Variants in POMK observed in about 807,000 individuals in gnomAD.
POMK encodes the protein Sugen kinase 196.
In POMK, 19 loss-of-function variants were observed where a neutral mutation model predicts 23.0. The ratio of observed to expected loss-of-function variants is 0.83; its 90% CI spans 0.58 to 1.21. The LOEUF (loss-of-function observed/expected upper bound fraction) is 1.21. POMK is among the 50% of genes most tolerant of loss of function. The probability of loss-of-function intolerance (pLI) is 0.00; values close to 1 mark genes in which losing one functional copy is unlikely to be tolerated. For synonymous variants in POMK, 173 were observed against 171.6 expected (o/e 1.01, Z -0.06); for missense variants, 410 against 431.3 (o/e 0.95, Z 0.44).
intron 4 of POMK, among the ~76,000 whole-genome samples, chr8:43,110,966 A>G (rs1811644202): frequency 6.6e-6 from 1 of 152,120 alleles, no homozygotes; most frequent in Admixed American, 6.5e-5. Context: ...CCGAATAGGA[A>G]CAGCTCCAGT....
At chr8:43,121,050 T>C (rs1337565975) in intron 4 of POMK, among the ~76,000 whole-genome samples, 1 of 152,264 alleles carries the variant, frequency 6.6e-6, no homozygotes, top group Non-Finnish European at 1.5e-5. Flanking sequence ...TCCCATCTTT[T>C]GATAAGTTTC....
In POMK at chr8:43,103,686, A is replaced by G. The variant is rs1257427005; in HGVS notation, c.138A>G (p.Arg46=). The G allele has an allele frequency of 1.9e-6, 3 of 1,613,972 alleles. No individual in the cohort carries two copies. Among genetic ancestry groups the G allele is most frequent in the Non-Finnish European group, 2.5e-6 (3 of 1,180,038 alleles). The change falls in exon 4 of 5, where the codon CGA becomes CGG. Residue 46 remains arginine, a synonymous_variant. Transcript: ENST00000331373. ...LCLDHFFIAP[R]QSTVDPTHCP... The stretch of plus-strand genomic sequence containing the variant: ...TCGACCACTTCTTCATCGCTCCTCG[A>G]CAATCCACTGTGGACCCCACACACT...
chr8:43,102,790 AGCCAGGCCCCTCCACCATG>A (rs1256102685), intron 3 of POMK, among the ~76,000 whole-genome samples, 190 bp downstream of exon 3: 1 of 152,216 alleles, frequency 6.6e-6, no homozygotes, highest in Non-Finnish European at 1.5e-5. Flanking sequence ...GCTTCTCCGC[AGCCAGGCCCCTCCACCATG>A]GCCTTGCACG....
chr8:43,100,354 T>C (rs570252342), intron 2 of POMK, among the ~76,000 whole-genome samples: 482 of 151,786 alleles, frequency 3.2e-3, no homozygotes, highest in Non-Finnish European at 4.9e-3. Context: ...GGGTAGGGTG[T>C]TGAGGAAGTT....
intron 2 of POMK, among the ~76,000 whole-genome samples, chr8:43,101,039 T>C (rs1053101001): frequency 1.3e-5 from 2 of 151,936 alleles, no homozygotes; most frequent in African/African-American, 4.8e-5. Flanking sequence ...AGTATGAGCT[T>C]GTGTGCTTGC....
chr8:43,105,482 T>C (rs534919486), intron 4 of POMK, among the ~76,000 whole-genome samples: 1 of 152,358 alleles, frequency 6.6e-6, no homozygotes, highest in East Asian at 1.9e-4. Context: ...TGTCCTCCAG[T>C]TCCTTTCATG....
chr8:43,112,671 C>T (rs530583841), intron 4 of POMK, among the ~76,000 whole-genome samples: 5 of 152,160 alleles, frequency 3.3e-5, no homozygotes, highest in South Asian at 4.2e-4. Flanking sequence ...AGAGAAAGGT[C>T]GGGTTACCCA....
chr8:43,105,930 G>A (rs1811534904), intron 4 of POMK, among the ~76,000 whole-genome samples: 1 of 152,178 alleles, frequency 6.6e-6, no homozygotes, highest in East Asian at 1.9e-4. Flanking sequence ...CAAAGTGCTG[G>A]GATTACAGGC....
Position 43,103,729 on chromosome 8 carries a change from A to G in POMK, c.181A>G (p.Arg61Gly), listed in dbSNP as rs201953159. Residue 61 changes from arginine (R) to glycine (G), a missense_variant, in exon 4 of 5, where the codon AGG (arginine) becomes GGG (glycine). Arg to Gly is a moderately radical substitution (Grantham distance 125, BLOSUM62 -2). Coordinates refer to ENST00000331373, the MANE Select transcript of POMK (RefSeq NM_032237.5). Reference sequence around the variant, plus strand: ...CACACACTGTCCCTATGGTCACTTCAGGATAGGACAGATGAAAAACTGCTC... The same window carrying G: ...CACACACTGTCCCTATGGTCACTTCGGGATAGGACAGATGAAAAACTGCTC... ...DPTHCPYGHFRIGQMKNCSPW... is the reference protein window; with the variant it reads ...DPTHCPYGHFGIGQMKNCSPW... 4.3e-6 allele frequency: 7 copies of G among 1,614,158 alleles called. No individual in the cohort carries two copies. The highest frequency in any genetic ancestry group is 1.6e-4 in the Middle Eastern group (1 of 6,062).
chr8:43,115,626 T>G (rs1811782343), intron 4 of POMK, among the ~76,000 whole-genome samples: 1 of 152,162 alleles, frequency 6.6e-6, no homozygotes, highest in Non-Finnish European at 1.5e-5. Context: ...ACCCTGGACT[T>G]AAATTGTTTC....
chr8:43,121,677 T>A (rs1811919052), intron 4 of POMK, among the ~76,000 whole-genome samples: 1 of 152,144 alleles, frequency 6.6e-6, no homozygotes, highest in Non-Finnish European at 1.5e-5. Flanking sequence ...CCCCACCCAC[T>A]GTGTGGTGGT....
intron 2 of POMK, among the ~76,000 whole-genome samples, chr8:43,100,500 G>A (rs1811416797): frequency 6.6e-6 from 1 of 151,764 alleles, no homozygotes; most frequent in African/African-American, 2.4e-5. Flanking sequence ...GGTGTGTATG[G>A]TGTTAGTGCT....
chr8:43,117,577 C>T (rs940098357), intron 4 of POMK, among the ~76,000 whole-genome samples: 11 of 151,976 alleles, frequency 7.2e-5, no homozygotes, highest in Non-Finnish European at 1.5e-4. Flanking sequence ...AAAGAGCTCC[C>T]AGTAATTAAT....
At chr8:43,094,192 A>G (rs977620243) in intron 1 of POMK, among the ~76,000 whole-genome samples, 1 of 152,134 alleles carries the variant, frequency 6.6e-6, no homozygotes, top group East Asian at 1.9e-4. Flanking sequence ...GTCCGCCACC[A>G]CGCCCGGCTA....
In POMK at chr8:43,122,412, T is replaced by C. The variant is rs766337800; in HGVS notation, c.588T>C (p.Pro196=). The C allele has an allele frequency of 3.7e-6, 6 of 1,614,100 alleles. No individual in the cohort carries two copies. In the African/African-American group the frequency reaches 5.3e-5, roughly 14 times the overall value. ...TCATTAATTACCTGCACCACAGCCC[T>C]GTGGGCACACGGGTCATGTGCGACT... ...VSIINYLHHS[P]VGTRVMCDSN... Residue 196 remains proline (P), a synonymous_variant, in exon 5 of 5, where the codon CCT becomes CCC. Coordinates refer to ENST00000331373, the MANE Select transcript of POMK (RefSeq NM_032237.5).
chr8:43,098,183 T>C (rs945411865), intron 2 of POMK, among the ~76,000 whole-genome samples: 1 of 152,208 alleles, frequency 6.6e-6, no homozygotes, highest in Non-Finnish European at 1.5e-5. Flanking sequence ...TTCAGTGATA[T>C]TTAGCATATT....
chr8:43,103,633 C>G lies in POMK; in HGVS notation c.85C>G (p.Leu29Val). 6.2e-7 allele frequency: 1 copy of G among 1,614,042 alleles called. No individual in the cohort carries two copies. Among genetic ancestry groups the G allele is most frequent in the East Asian group, 2.2e-5 (1 of 44,850 alleles). The change falls in exon 4 of 5, where the codon CTG becomes GTG. Residue 29 changes from leucine to valine, a missense_variant. Physicochemically the swap from Leu to Val is conservative, Grantham distance 32. Coordinates refer to ENST00000331373, the MANE Select transcript of POMK (RefSeq NM_032237.5). ...TGTTGGGCTGCTGCTGATCATGGCC[C>G]TGATGAATACTCTGCTCTACCTCTG... ...PAVGLLLIMA[L>V]MNTLLYLCLD...
At chr8:43,105,837 A>G (rs530208933) in intron 4 of POMK, among the ~76,000 whole-genome samples, 1 of 152,032 alleles carries the variant, frequency 6.6e-6, no homozygotes, top group African/African-American at 2.4e-5. Context: ...CTAATTTTAT[A>G]TTTTTAGTAG....
Position 43,122,147 on chromosome 8 carries a change from C to G in POMK, c.323C>G (p.Ser108Ter), listed in dbSNP as rs1811929611. ...TGGAAGGAGCACAAAGTTGCACTCT[C>G]ACAGCTCACCAGCCTGGAGATGAAA... ...SEWKEHKVAL[S>*]QLTSLEMKDD... is the part of the protein sequence containing the mutation. Residue 108 changes from serine to a stop codon, truncating the protein, a stop_gained, in exon 5 of 5, where the codon TCA becomes TGA. Transcript: ENST00000331373. LOFTEE classifies it high-confidence loss of function. 2 of 1,614,092 alleles carry G rather than the reference C, an allele frequency of 1.2e-6. No individual in the cohort carries two copies. Among genetic ancestry groups the G allele is most frequent in the South Asian group, 2.2e-5 (2 of 91,088 alleles).
Sources: allele counts gnomAD v4.1 joint callset (sites outside exome capture counted in the v4.1 genomes callset), GRCh38; gene constraint gnomAD v4.1.1; transcripts MANE v1.5; gene names NCBI Gene and HGNC (gene_info 2026-07-23, HGNC 2026-07-21).